Variants in DCDC1 observed in about 807,000 individuals in gnomAD.
DCDC1 encodes the protein doublecortin domain-containing protein 1.
Under a neutral mutation model 178.3 loss-of-function variants are expected in DCDC1, and 200 were observed. The ratio of observed to expected loss-of-function variants is 1.12; its 90% CI spans 1.00 to 1.26. The LOEUF is 1.26. DCDC1 is among the 50% of genes most tolerant of loss of function. The pLI is 0.00. For missense variants in DCDC1, 1,983 were observed against 1,749.2 expected (o/e 1.13, Z -2.38); for synonymous variants, 690 against 604.8 (o/e 1.14, Z -2.07).
chr11:31,355,682 C>G (rs1235492594), intron 1 of DCDC1, among the ~76,000 whole-genome samples: 1 of 152,078 alleles, frequency 6.6e-6, no homozygotes, highest in Non-Finnish European at 1.5e-5. Flanking sequence ...ATTCTCCTGC[C>G]TCAGCCTCCT....
At chr11:31,097,833 T>C (rs1353454776) in intron 15 of DCDC1, among the ~76,000 whole-genome samples, 2 of 152,146 alleles carry the variant, frequency 1.3e-5, no homozygotes, top group African/African-American at 4.8e-5. Flanking sequence ...TCCAAAGAAA[T>C]AGAACAGCAA....
At chr11:31,295,145 G>A (rs748365537) in intron 6 of DCDC1, among the ~76,000 whole-genome samples, 2 of 152,148 alleles carry the variant, frequency 1.3e-5, no homozygotes, top group African/African-American at 2.4e-5. Context: ...ATCCCCCTGT[G>A]TACTTTAAAT....
At chr11:31,217,064 G>A (rs960522631) in intron 9 of DCDC1, among the ~76,000 whole-genome samples, 10 of 152,300 alleles carry the variant, frequency 6.6e-5, no homozygotes, top group Middle Eastern at 3.4e-3. Flanking sequence ...GATCCTCCCT[G>A]CTGGGGTAAA....
At chr11:30,879,949 A>G (rs1942493898) in intron 37 of DCDC1, among the ~76,000 whole-genome samples, 1 of 147,406 alleles carries the variant, frequency 6.8e-6, no homozygotes, top group African/African-American at 2.5e-5. Context: ...TAGATAATGA[A>G]GGGACTGGGA....
intron 20 of DCDC1, 126 bp from the exon 21 acceptor site, chr11:30,952,694 A>C: frequency 2.4e-6 from 1 of 414,326 alleles, no homozygotes; most frequent in Non-Finnish European, 4.3e-6. Context: ...AAAAACCCAA[A>C]TCTGAAAATT....
At chr11:31,043,475 G>A (rs1345128428) in intron 20 of DCDC1, among the ~76,000 whole-genome samples, 3 of 152,130 alleles carry the variant, frequency 2.0e-5, no homozygotes, top group Admixed American at 1.3e-4. Flanking sequence ...CATTTTCCAT[G>A]TAGGAAAATT....
intron 25 of DCDC1, among the ~76,000 whole-genome samples, chr11:30,917,544 TTG>T (rs1178098085): frequency 6.6e-6 from 1 of 152,180 alleles, no homozygotes; most frequent in Non-Finnish European, 1.5e-5. Flanking sequence ...GAGCCAGCTT[TTG>T]ATAGAGAATA....
rs536693537 is a variant in DCDC1 at position 30,926,183 on chromosome 11, T to A, written c.2898-775A>T. Among the ~76,000 whole-genome samples the A allele has an allele frequency of 2.6e-5, 4 of 152,282 alleles. No individual in the cohort carries two copies. In the South Asian group the frequency reaches 8.3e-4, roughly 32 times the overall value. ...GGAAAACAATTTTTCCAGAGAAGCCTTATCTAAGGGAGTGGCATTTGGGTT... is the reference window on the plus strand; with the variant it reads ...GGAAAACAATTTTTCCAGAGAAGCCATATCTAAGGGAGTGGCATTTGGGTT... On this transcript the variant is annotated intron_variant, in intron 22 of 38. Transcript: ENST00000684477.
chr11:31,013,052 T>C (rs1241246796), intron 20 of DCDC1, among the ~76,000 whole-genome samples: 1 of 152,174 alleles, frequency 6.6e-6, no homozygotes, highest in Non-Finnish European at 1.5e-5. Flanking sequence ...TTAAAGCTGG[T>C]TAGTCAGTAA....
chr11:31,214,195 G>A (rs1240859483), intron 9 of DCDC1, among the ~76,000 whole-genome samples: 2 of 152,018 alleles, frequency 1.3e-5, no homozygotes, highest in Non-Finnish European at 2.9e-5. Flanking sequence ...CAAACAATAT[G>A]TCTCCATAAT....
chr11:30,986,618 A>C (rs535448838), intron 20 of DCDC1, among the ~76,000 whole-genome samples: 16 of 152,284 alleles, frequency 1.1e-4, no homozygotes, highest in African/African-American at 3.8e-4. Flanking sequence ...GGTGTGAGCC[A>C]CCACACCCAG....
At position 30,906,186 on chromosome 11, in the gene DCDC1, TA is replaced by T. The variant is rs1437260172; in HGVS notation, c.4104+353del. On this transcript the variant is annotated intron_variant, in intron 30 of 38. Transcript: ENST00000684477. The stretch of plus-strand genomic sequence containing the variant: ...TTCCCCCTGAAATGTTCCATGCTAG[TA>T]AAAAGAAGTTTTTTCCTGTGGATAT... 3.2e-5 allele frequency: 6 copies of T among 188,276 alleles called. No homozygotes were observed. The East Asian group carries it at 4.8e-4, about 15-fold the overall frequency. 11.7% of individuals were successfully genotyped at this position (188,276 alleles called of 1,614,324 possible).
chr11:31,265,498 G>T lies in DCDC1; in HGVS notation c.1054+9C>A. The T allele has an allele frequency of 7.3e-7, 1 of 1,376,050 alleles. No homozygotes were observed. The highest frequency in any genetic ancestry group is 1.8e-5 in the South Asian group (1 of 57,024). 85.2% of individuals were successfully genotyped at this position (1,376,050 alleles called of 1,614,324 possible). ...TTATCAAATGGTTTACAAAATCTTTGCCACTTACCTTTTGAAATATCTTCA... is the reference window on the plus strand; with the variant it reads ...TTATCAAATGGTTTACAAAATCTTTTCCACTTACCTTTTGAAATATCTTCA... On this transcript the variant is annotated intron_variant, in intron 8 of 38. Coordinates refer to ENST00000684477, the MANE Select transcript of DCDC1 (RefSeq NM_001387274.1).
In DCDC1 at chr11:31,310,463, C is replaced by T. The variant is rs187056796; in HGVS notation, c.165-2555G>A. Among the ~76,000 whole-genome samples the T allele has an allele frequency of 2.0e-4, 31 of 151,588 alleles. 1 individual carries two copies. The East Asian group carries it at 3.1e-3, about 15-fold the overall frequency. Reference sequence around the variant, plus strand: ...CTTCCTGAGTAGCTGAGACTACAGGCGCATGCAACCACGCCCAGCTGAATT... The same window carrying T: ...CTTCCTGAGTAGCTGAGACTACAGGTGCATGCAACCACGCCCAGCTGAATT... On this transcript the variant is annotated intron_variant, in intron 3 of 38. Coordinates refer to ENST00000684477, the MANE Select transcript of DCDC1 (RefSeq NM_001387274.1).
chr11:31,274,699 C>CTT (rs72501499), intron 7 of DCDC1, among the ~76,000 whole-genome samples: 3 of 132,068 alleles, frequency 2.3e-5, no homozygotes, highest in Admixed American at 1.5e-4. Flanking sequence ...TCACAAATGT[C>CTT]TTTTTTTTTT....
chr11:31,102,078 G>GC, intron 15 of DCDC1, 99 bp downstream of exon 15: 1 of 383,726 alleles, frequency 2.6e-6, no homozygotes, highest in South Asian at 5.2e-5. Context: ...CTCCATCTCA[G>GC]AAAAAAAAAA....
intron 20 of DCDC1, among the ~76,000 whole-genome samples, chr11:31,023,111 G>A (rs946060385): frequency 3.9e-5 from 6 of 152,074 alleles, no homozygotes; most frequent in Admixed American, 6.6e-5. Flanking sequence ...CCCAAGAATC[G>A]AGGTAATTGC....
At chr11:31,219,052 G>A (rs970649715) in intron 9 of DCDC1, among the ~76,000 whole-genome samples, 3 of 151,966 alleles carry the variant, frequency 2.0e-5, no homozygotes, top group African/African-American at 2.4e-5. Context: ...ACGGAGCTCC[G>A]AAGGCTGGCC....
intron 9 of DCDC1, among the ~76,000 whole-genome samples, chr11:31,216,174 G>T (rs1973533028): frequency 6.6e-6 from 1 of 152,082 alleles, no homozygotes; most frequent in Non-Finnish European, 1.5e-5. Context: ...GGCAGAAAGG[G>T]GTTGCAACTA....
Sources: allele counts gnomAD v4.1 joint callset (sites outside exome capture counted in the v4.1 genomes callset), GRCh38; gene constraint gnomAD v4.1.1; transcripts MANE v1.5; gene names NCBI Gene and HGNC (gene_info 2026-07-23, HGNC 2026-07-21).